Variants in MATN2 observed in about 807,000 individuals in gnomAD.
MATN2 encodes matrilin-2.
Under a neutral mutation model 103.2 loss-of-function variants are expected in MATN2, and 69 were observed. The observed-to-expected ratio is 0.67, with a 90% CI of 0.55 to 0.82. MATN2 has a LOEUF of 0.82. MATN2 is among the 40% of genes least tolerant of loss of function. The probability of loss-of-function intolerance (pLI) is 0.00; values close to 1 mark genes in which losing one functional copy is unlikely to be tolerated. For synonymous variants in MATN2, 429 were observed against 450.2 expected, an observed-to-expected ratio of 0.95 and a Z score of 0.60; for missense variants, 1,023 against 1,211.5, an observed-to-expected ratio of 0.84 and a Z score of 2.31.
rs574582761 is a variant in MATN2 at position 97,914,534 on chromosome 8, CT to C, written c.143-16418del. ...TACAGGCCTGCACCATTACACCCGG[CT>C]ACTTTTTTTTTTTTAATCTATTGTA... On this transcript the variant is annotated intron_variant, in intron 2 of 18. Coordinates refer to ENST00000254898, the MANE Select transcript of MATN2 (RefSeq NM_002380.5). 2.9e-3 allele frequency among the ~76,000 whole-genome samples: 442 copies of C among 151,468 alleles called. 2 individuals are homozygous for C. The highest frequency in any genetic ancestry group is 9.4e-3 in the African/African-American group (386 of 41,176).
intron 2 of MATN2, among the ~76,000 whole-genome samples, chr8:97,901,836 G>A (rs1174826103): frequency 3.9e-5 from 6 of 152,088 alleles, no homozygotes; most frequent in Non-Finnish European, 8.8e-5. Flanking sequence ...TTTTGTAGAG[G>A]GGATATATTT....
At chr8:97,964,093 G>T (rs576019304) in intron 5 of MATN2, among the ~76,000 whole-genome samples, 1 of 152,212 alleles carries the variant, frequency 6.6e-6, no homozygotes, top group African/African-American at 2.4e-5. Flanking sequence ...GGCAGTGACT[G>T]TGGAGGTGGC....
rs556085853 is a variant in MATN2 at position 97,936,242 on chromosome 8, G to A, written c.712+4720G>A. Among the ~76,000 whole-genome samples the A allele has an allele frequency of 1.4e-3, 206 of 152,274 alleles. 1 individual carries two copies. Among genetic ancestry groups the A allele is most frequent in the Non-Finnish European group, 1.1e-3 (78 of 68,026 alleles). On this transcript the variant is annotated intron_variant, in intron 3 of 18. Transcript: ENST00000254898. ...TGAAAACGCTGTCCCCAGTGTTCTGGTGATTCTTGCCACCTGGGCGAGATT... is the reference window on the plus strand; with the variant it reads ...TGAAAACGCTGTCCCCAGTGTTCTGATGATTCTTGCCACCTGGGCGAGATT...
chr8:97,966,877 A>G (rs1054679899), intron 5 of MATN2, among the ~76,000 whole-genome samples: 1 of 152,190 alleles, frequency 6.6e-6, no homozygotes, highest in Non-Finnish European at 1.5e-5. Context: ...TTGCGTTGCT[A>G]TAAAGGAATA....
intron 13 of MATN2, among the ~76,000 whole-genome samples, chr8:98,027,063 G>A (rs1813834115): frequency 1.3e-5 from 2 of 152,166 alleles, no homozygotes; most frequent in Admixed American, 1.3e-4. Flanking sequence ...TAAAGTTCTA[G>A]GAGTCTTTTG....
chr8:97,979,844 C>G (rs1238643154), intron 6 of MATN2, among the ~76,000 whole-genome samples: 1 of 152,118 alleles, frequency 6.6e-6, no homozygotes, highest in Non-Finnish European at 1.5e-5. Context: ...GTTCATGTAC[C>G]TACAACCTTT....
rs1043339366 is a variant in MATN2, at chr8:97,956,548, G to C, written c.836-4860G>C. Among the ~76,000 whole-genome samples the C allele has an allele frequency of 4.6e-5, 7 of 152,210 alleles. No homozygotes were observed. The South Asian group carries it at 6.2e-4, about 14-fold the overall frequency. ...TCTAGGGAAGGGATAGTAGCTCTTG[G>C]TTTGTCAGGTCATTGACACGGAGGA... On this transcript the variant is annotated intron_variant, in intron 4 of 18. Coordinates refer to ENST00000254898, the MANE Select transcript of MATN2 (RefSeq NM_002380.5).
rs1374077215 is a variant in MATN2, at chr8:97,886,914, T to C, written c.-26-1161T>C. Among the ~76,000 whole-genome samples the C allele has an allele frequency of 2.6e-5, 4 of 151,998 alleles. No individual in the cohort carries two copies. In the East Asian group the frequency reaches 7.7e-4, roughly 29 times the overall value. ...TTGAATTTGTTTTACCTTTTTTTTT[T>C]TTTGAGATAGGGTCTCGTGCTGTCA... On this transcript the variant is annotated intron_variant, in intron 1 of 18. Transcript: ENST00000254898.
chr8:97,882,401 C>CT (rs970922602), intron 1 of MATN2, among the ~76,000 whole-genome samples: 194 of 150,102 alleles, frequency 1.3e-3, no homozygotes, highest in Admixed American at 2.3e-3. Flanking sequence ...TTCTTTTTTT[C>CT]TTTTTTTTGA....
intron 6 of MATN2, among the ~76,000 whole-genome samples, chr8:97,984,932 G>A (rs1812144066): frequency 6.6e-6 from 1 of 152,190 alleles, no homozygotes; most frequent in South Asian, 2.1e-4. Flanking sequence ...TGAAGGCAGT[G>A]AGAGAAGGAG....
In MATN2 at chr8:97,908,254, T is replaced by C. The variant is rs527491771; in HGVS notation, c.142+20012T>C. On this transcript the variant is annotated intron_variant, in intron 2 of 18. Coordinates refer to ENST00000254898, the MANE Select transcript of MATN2 (RefSeq NM_002380.5). ...CCTGGGCAACAAGAGTGAAACTCTA[T>C]CTCAAAAAAAAAAAAGTCACTTTGT... is the stretch of plus-strand genomic sequence containing the variant. Among the ~76,000 whole-genome samples, 3 of 151,062 alleles carry C rather than the reference T, an allele frequency of 2.0e-5. No individual in the cohort carries two copies. In the South Asian group the frequency reaches 6.3e-4, roughly 32 times the overall value.
Position 97,952,568 on chromosome 8 carries a change from T to TA in MATN2, c.836-8839dup, listed in dbSNP as rs538956167. 9.0e-5 allele frequency among the ~76,000 whole-genome samples: 13 copies of TA among 144,636 alleles called. No individual in the cohort carries two copies. The South Asian group carries it at 2.4e-3, about 27-fold the overall frequency. The allele number at this position is 144,636 out of a possible 152,430, so 94.9% of individuals were successfully genotyped here. On this transcript the variant is annotated intron_variant, in intron 4 of 18. Transcript: ENST00000254898. ...GCCAGGGTTTCTAAAGGAAGGCACT[T>TA]ACATCTAGGGTGCATGGGAGTCTCT...
chr8:97,903,591 C>T (rs1183377009), intron 2 of MATN2, among the ~76,000 whole-genome samples: 1 of 152,104 alleles, frequency 6.6e-6, no homozygotes, highest in African/African-American at 2.4e-5. Flanking sequence ...TGGTCTTTGC[C>T]CTGTAGATGC....
intron 2 of MATN2, among the ~76,000 whole-genome samples, chr8:97,930,247 T>A (rs1810133172): frequency 6.6e-6 from 1 of 152,236 alleles, no homozygotes; most frequent in African/African-American, 2.4e-5. Flanking sequence ...TAGTTAATTC[T>A]CCCCAGGTAG....
intron 2 of MATN2, among the ~76,000 whole-genome samples, chr8:97,901,306 G>A (rs1222461447): frequency 6.6e-6 from 1 of 151,826 alleles, no homozygotes; most frequent in Admixed American, 6.6e-5. Flanking sequence ...GGGCTGGAGT[G>A]CAGTGGTGTG....
chr8:97,943,318 C>T (rs1157081660), intron 4 of MATN2, among the ~76,000 whole-genome samples: 1 of 7,732 alleles, frequency 1.3e-4, no homozygotes, highest in East Asian at 1.5e-3. Flanking sequence ...GCATCCTCCC[C>T]TCTGCCCCGG....
At position 97,982,036 on chromosome 8, in the gene MATN2, C is replaced by T. The variant is rs114664651; in HGVS notation, c.1081+3028C>T. ...GATCCAGAAGTGGGCCGCCCCAATG[C>T]GTGTGCAGGGAAGAGTGCTGGGAGA... On this transcript the variant is annotated intron_variant, in intron 6 of 18. Coordinates refer to ENST00000254898, the MANE Select transcript of MATN2 (RefSeq NM_002380.5). This position sits in a 1 kb window ranked among gnomAD's most constrained non-coding sequence, Gnocchi z 4.3. Among the ~76,000 whole-genome samples the T allele has an allele frequency of 0.017, 2,636 of 152,300 alleles. 79 individuals are homozygous for T. The highest frequency in any genetic ancestry group is 0.06 in the African/African-American group (2,510 of 41,550).
chr8:98,001,459 T>C (rs1398244048), intron 7 of MATN2, among the ~76,000 whole-genome samples: 2 of 131,372 alleles, frequency 1.5e-5, no homozygotes, highest in Non-Finnish European at 3.1e-5. Flanking sequence ...TATACACTTT[T>C]GTCTTTTTTT....
intron 6 of MATN2, among the ~76,000 whole-genome samples, chr8:97,992,425 T>A (rs1394951215): frequency 6.6e-6 from 1 of 152,166 alleles, no homozygotes; most frequent in Non-Finnish European, 1.5e-5. Context: ...GTTTTAAAGC[T>A]ACATTATGAA....
Sources: allele counts gnomAD v4.1 joint callset (sites outside exome capture counted in the v4.1 genomes callset), GRCh38; gene constraint gnomAD v4.1.1; non-coding constraint Gnocchi (gnomAD v3.1); transcripts MANE v1.5; gene names NCBI Gene and HGNC (gene_info 2026-07-23, HGNC 2026-07-21).